Variants in SLC24A3 observed in about 807,000 individuals in gnomAD.
SLC24A3 encodes solute carrier family 24 member 3.
SLC24A3 carries 28 observed loss-of-function variants against 75.8 expected under a neutral mutation model. That is an observed-to-expected ratio of 0.37 (90% CI 0.27 to 0.51). SLC24A3 has a LOEUF of 0.51. Among genes scored for constraint, SLC24A3 ranks in the 20% least tolerant of loss-of-function variants. The pLI, the probability that SLC24A3 is intolerant of heterozygous loss-of-function variation, is 0.94. For synonymous variants in SLC24A3, 372 were observed against 334.1 expected (o/e 1.11, Z -1.24); for missense variants, 663 against 847.8 (o/e 0.78, Z 2.71).
At chr20:19,578,707 T>G (rs987431057) in intron 3 of SLC24A3, among the ~76,000 whole-genome samples, 1 of 152,118 alleles carries the variant, frequency 6.6e-6, no homozygotes, top group African/African-American at 2.4e-5. Context: ...ATGTCACTGC[T>G]GAGGGTGCTA....
chr20:19,252,335 A>G (rs1164671862), intron 1 of SLC24A3, among the ~76,000 whole-genome samples: 2 of 152,106 alleles, frequency 1.3e-5, no homozygotes, highest in Non-Finnish European at 2.9e-5. Flanking sequence ...GGCAGGGTGA[A>G]CTCAGACAAC....
rs765111610 is a variant in SLC24A3 at position 19,696,789 on chromosome 20, C to T, written c.1492-8C>T. 1 of 1,608,062 alleles carries T rather than the reference C, an allele frequency of 6.2e-7. No homozygotes were observed. The highest frequency in any genetic ancestry group is 1.1e-5 in the South Asian group (1 of 90,890). On this transcript the variant is annotated splice_polypyrimidine_tract_variant and splice_region_variant and intron_variant, in intron 13 of 16. Transcript: ENST00000328041. ...CCTCAGCTGACCACCTCTTCCTGCT[C>T]CTTCTAGGTCACAATCATTGGTTAC...
At chr20:19,513,735 T>TA (rs1568640205) in intron 2 of SLC24A3, among the ~76,000 whole-genome samples, 14 of 96,870 alleles carry the variant, frequency 1.4e-4, no homozygotes, top group African/African-American at 6.3e-4. Flanking sequence ...TGCTTTTTTT[T>TA]TAGAAAAAAA....
At chr20:19,447,012 G>A (rs992290038) in intron 2 of SLC24A3, among the ~76,000 whole-genome samples, 1 of 152,098 alleles carries the variant, frequency 6.6e-6, no homozygotes, top group Non-Finnish European at 1.5e-5. Context: ...TCCACTTTAT[G>A]GATCCCACAA....
chr20:19,333,464 G>A (rs1985046452), intron 2 of SLC24A3, among the ~76,000 whole-genome samples: 1 of 152,218 alleles, frequency 6.6e-6, no homozygotes, highest in Non-Finnish European at 1.5e-5. Flanking sequence ...AAAGAGCGGT[G>A]TGGGAAGAGA....
chr20:19,605,288 G>T lies in SLC24A3; in HGVS notation c.612+19744G>T, dbSNP rs184639173. Among the ~76,000 whole-genome samples, 5 of 151,788 alleles carry T rather than the reference G, an allele frequency of 3.3e-5. No homozygotes were observed. The East Asian group carries it at 9.7e-4, about 30-fold the overall frequency. On this transcript the variant is annotated intron_variant, in intron 6 of 16. Coordinates refer to ENST00000328041, the MANE Select transcript of SLC24A3 (RefSeq NM_020689.4). ...TAACCACAGCTGTCTGATGTCTAAAGACTTTTACACTGTGTTTATTTCCAG... is the reference window on the plus strand; with the variant it reads ...TAACCACAGCTGTCTGATGTCTAAATACTTTTACACTGTGTTTATTTCCAG...
At chr20:19,716,771 G>A (rs549604631) in intron 15 of SLC24A3, among the ~76,000 whole-genome samples, 84 of 152,198 alleles carry the variant, frequency 5.5e-4, no homozygotes, top group Middle Eastern at 6.8e-3. Flanking sequence ...GTCCTCAGGA[G>A]GCTGAGGTGG....
intron 6 of SLC24A3, among the ~76,000 whole-genome samples, chr20:19,592,545 C>T (rs1016317651): frequency 1.3e-5 from 2 of 152,150 alleles, no homozygotes; most frequent in African/African-American, 4.8e-5. Flanking sequence ...GCAATCATTT[C>T]CCTTTAGTAT....
chr20:19,592,484 G>A (rs888660413), intron 6 of SLC24A3, among the ~76,000 whole-genome samples: 1 of 152,184 alleles, frequency 6.6e-6, no homozygotes, highest in Non-Finnish European at 1.5e-5. Flanking sequence ...ATTTAGGTTT[G>A]CAAGAGAGGT....
intron 2 of SLC24A3, among the ~76,000 whole-genome samples, chr20:19,359,585 G>T (rs1173338595): frequency 6.6e-6 from 1 of 152,212 alleles, no homozygotes; most frequent in East Asian, 1.9e-4. Context: ...CACCTCCATA[G>T]ATTTCTATCC....
chr20:19,436,008 G>T (rs1987194093), intron 2 of SLC24A3, among the ~76,000 whole-genome samples: 1 of 152,128 alleles, frequency 6.6e-6, no homozygotes, highest in Non-Finnish European at 1.5e-5. Flanking sequence ...CTTGTGCTTG[G>T]CAAGGAGACT....
chr20:19,683,686 G>A (rs1349216659), intron 10 of SLC24A3, among the ~76,000 whole-genome samples: 1 of 152,222 alleles, frequency 6.6e-6, no homozygotes, highest in Non-Finnish European at 1.5e-5. Context: ...AGTTCTTGGA[G>A]TCTTCTCTGT....
chr20:19,572,855 T>C (rs1386505101), intron 3 of SLC24A3, among the ~76,000 whole-genome samples: 1 of 152,164 alleles, frequency 6.6e-6, no homozygotes, highest in Non-Finnish European at 1.5e-5. Flanking sequence ...CATGGGGCTA[T>C]TAGATACAGA....
intron 1 of SLC24A3, among the ~76,000 whole-genome samples, chr20:19,234,684 G>A (rs938584095): frequency 1.3e-5 from 2 of 152,226 alleles, no homozygotes; most frequent in Admixed American, 6.5e-5. Flanking sequence ...CAGGAGCACC[G>A]TGATGTCATT....
intron 2 of SLC24A3, among the ~76,000 whole-genome samples, chr20:19,453,874 A>G (rs2122486077): frequency 6.6e-6 from 1 of 152,350 alleles, no homozygotes; most frequent in African/African-American, 2.4e-5. Context: ...TTGGGGGCTT[A>G]GGGTGTTCCC....
At chr20:19,341,506 C>T (rs149972187) in intron 2 of SLC24A3, among the ~76,000 whole-genome samples, 47 of 152,290 alleles carry the variant, frequency 3.1e-4, no homozygotes, top group African/African-American at 8.7e-4. Context: ...TTAAAGCCTG[C>T]GCTGTAACAC....
Position 19,294,532 on chromosome 20 carries a change from G to A in SLC24A3, c.271+13445G>A, listed in dbSNP as rs150908046. On this transcript the variant is annotated intron_variant, in intron 2 of 16. Coordinates refer to ENST00000328041, the MANE Select transcript of SLC24A3 (RefSeq NM_020689.4). Reference sequence around the variant, plus strand: ...CTACTTACATGTGGGAACATGCAGTGTTTGGTTTTCCGTGCTTGCATTAGT... The same window carrying A: ...CTACTTACATGTGGGAACATGCAGTATTTGGTTTTCCGTGCTTGCATTAGT... 6.9e-3 allele frequency among the ~76,000 whole-genome samples: 1,050 copies of A among 152,228 alleles called. 9 individuals are homozygous for A. Among genetic ancestry groups the A allele is most frequent in the Middle Eastern group, 0.041 (12 of 294 alleles).
intron 2 of SLC24A3, among the ~76,000 whole-genome samples, chr20:19,353,436 A>G (rs562921557): frequency 6.6e-6 from 1 of 152,274 alleles, no homozygotes; most frequent in East Asian, 1.9e-4. Context: ...GCTGCTTTAC[A>G]CTCTTTAGTA....
intron 1 of SLC24A3, among the ~76,000 whole-genome samples, chr20:19,260,336 T>C (rs931757869): frequency 1.3e-5 from 2 of 152,182 alleles, no homozygotes; most frequent in African/African-American, 2.4e-5. Context: ...CTCTCAAAGC[T>C]GTTGTAAGGT....
Sources: allele counts gnomAD v4.1 joint callset (sites outside exome capture counted in the v4.1 genomes callset), GRCh38; gene constraint gnomAD v4.1.1; transcripts MANE v1.5; gene names NCBI Gene and HGNC (gene_info 2026-07-23, HGNC 2026-07-21).